The following PWWP3B variants were observed in gnomAD, a reference collection of about 807,000 sequenced individuals.
The protein encoded by PWWP3B is PWWP domain containing 3B.
In PWWP3B, 5 loss-of-function variants were observed where a neutral mutation model predicts 15.7. The observed-to-expected ratio is 0.32, with a 90% confidence interval of 0.17 to 0.67. PWWP3B has a LOEUF of 0.67. PWWP3B is among the 30% of genes least tolerant of loss of function. The probability of loss-of-function intolerance (pLI) is 0.74; values close to 1 mark genes in which losing one functional copy is unlikely to be tolerated. For missense variants in PWWP3B, 519 were observed against 493.1 expected (o/e 1.05, Z -0.50); for synonymous variants, 203 against 179.8 (o/e 1.13, Z -1.03).
intron 2 of PWWP3B, among the ~76,000 whole-genome samples, chrX:106,197,953 G>A (rs1317649715): frequency 1.8e-5 from 2 of 111,640 alleles, no homozygotes; most frequent in Non-Finnish European, 3.8e-5. Flanking sequence ...ATATACGTAT[G>A]GGTCTTATTT....
intron 2 of PWWP3B, among the ~76,000 whole-genome samples, chrX:106,178,071 T>C (rs1391647230): frequency 3.6e-5 from 4 of 111,905 alleles, no homozygotes; most frequent in Non-Finnish European, 7.5e-5. Context: ...CACGCTCCCA[T>C]ACTCCCTTGT....
intron 2 of PWWP3B, among the ~76,000 whole-genome samples, chrX:106,192,635 G>A (rs1602853700): frequency 1.9e-5 from 2 of 107,279 alleles, no homozygotes; most frequent in African/African-American, 7.4e-5. Context: ...TGTGATGTTA[G>A]GTTGTCAATT....
chrX:106,179,502 G>A (rs1378675694), intron 2 of PWWP3B, among the ~76,000 whole-genome samples: 1 of 112,080 alleles, frequency 8.9e-6, no homozygotes, highest in African/African-American at 3.2e-5. Flanking sequence ...TTTAGGCAGG[G>A]AAATTTATTT....
In PWWP3B at chrX:106,188,244, G is replaced by GCC. The variant is rs746230959; in HGVS notation, c.-400-15734_-400-15733dup. Among the ~76,000 whole-genome samples the GCC allele has an allele frequency of 9.2e-3, 1,017 of 110,352 alleles. 14 individuals carry two copies. The highest frequency in any genetic ancestry group is 0.031 in the African/African-American group (935 of 30,303). On this transcript the variant is annotated intron_variant, in intron 2 of 3. Transcript: ENST00000357175. ...GCATCAAAAGTCACGTGTTGTAGGT[G>GCC]CCCCCCCCATGTTTTAAAGCAATTC...
At chrX:106,179,495 A>C (rs143897846) in intron 2 of PWWP3B, among the ~76,000 whole-genome samples, 247 of 112,301 alleles carry the variant, frequency 2.2e-3, no homozygotes, top group African/African-American at 7.5e-3. Context: ...GTTAAAGTTT[A>C]GGCAGGGAAA....
At chrX:106,185,536 G>A (rs1172283504) in intron 2 of PWWP3B, among the ~76,000 whole-genome samples, 1 of 111,524 alleles carries the variant, frequency 9.0e-6, no homozygotes, top group Admixed American at 9.5e-5. Context: ...ACCACAAGGA[G>A]GACCAAGGAA....
At chrX:106,189,761 G>A (rs1216676385) in intron 2 of PWWP3B, among the ~76,000 whole-genome samples, 1 of 109,282 alleles carries the variant, frequency 9.2e-6, no homozygotes, top group Non-Finnish European at 1.9e-5. Flanking sequence ...GGGACTACAG[G>A]CGCCTGCTAC....
intron 2 of PWWP3B, among the ~76,000 whole-genome samples, chrX:106,175,725 C>T (rs1035048438): frequency 3.6e-5 from 4 of 111,288 alleles, no homozygotes; most frequent in Non-Finnish European, 7.5e-5. Context: ...AGCTTTGTGA[C>T]CGTGGCATTA....
chrX:106,191,230 G>T (rs1488568010), intron 2 of PWWP3B, among the ~76,000 whole-genome samples: 2 of 111,010 alleles, frequency 1.8e-5, no homozygotes, highest in Admixed American at 9.6e-5. Flanking sequence ...TTGAGCAGTG[G>T]TTTGTAGTTC....
chrX:106,174,047 C>T (rs890296516), intron 2 of PWWP3B, among the ~76,000 whole-genome samples: 1 of 112,094 alleles, frequency 8.9e-6, no homozygotes, highest in African/African-American at 3.2e-5. Flanking sequence ...CATATCTCAC[C>T]AAAGAACTCT....
chrX:106,174,963 A>G (rs1921803378), intron 2 of PWWP3B, among the ~76,000 whole-genome samples: 6 of 106,797 alleles, frequency 5.6e-5, no homozygotes, highest in Admixed American at 5.0e-4. Context: ...CAGGAGACTC[A>G]CTTGAACCCA....
chrX:106,178,858 A>G (rs1922038085), intron 2 of PWWP3B, among the ~76,000 whole-genome samples: 1 of 112,292 alleles, frequency 8.9e-6, no homozygotes, highest in Non-Finnish European at 1.9e-5. Context: ...AATTTTCAGT[A>G]ACCATGCAAT....
In PWWP3B at chrX:106,207,500, G is replaced by A; in HGVS notation, c.2068G>A (p.Ala690Thr). ...AATAATATATGAAAAGAGACGAAAAGCACCAACAAATGAAGCTCACTAAAT... is the reference window on the plus strand; with the variant it reads ...AATAATATATGAAAAGAGACGAAAAACACCAACAAATGAAGCTCACTAAAT... ...AKIIYEKRRK[A>T]PTNEAH Residue 690 changes from alanine to threonine, a missense_variant, in exon 4 of 4, where the codon GCA becomes ACA. Physicochemically the swap from Ala to Thr is moderately conservative, Grantham distance 58 (BLOSUM62 0). Coordinates refer to ENST00000357175, the MANE Select transcript of PWWP3B (RefSeq NM_001171020.2). 2 of 1,144,508 alleles carry A rather than the reference G, an allele frequency of 1.7e-6. No individual in the cohort carries two copies. Among genetic ancestry groups the A allele is most frequent in the Non-Finnish European group, 2.3e-6 (2 of 863,910 alleles). The allele number at this position is 1,144,508 out of a possible 1,213,427, so 94.3% of individuals were successfully genotyped here. A position where few individuals can be genotyped will look rare whatever the true frequency, so the allele number is the denominator to read the frequency against.
intron 2 of PWWP3B, among the ~76,000 whole-genome samples, chrX:106,179,970 C>A (rs1013525384): frequency 9.0e-6 from 1 of 111,145 alleles, no homozygotes; most frequent in Non-Finnish European, 1.9e-5. Context: ...CTCACGAAAC[C>A]CTTAAAAACA....
Position 106,206,628 on chromosome X carries a change from A to C in PWWP3B, c.1196A>C (p.Lys399Thr), listed in dbSNP as rs754352671. ...GAAACAGGAATGATAGTCTGGTTTAAATATCAGAAATATCCATTTTGGCCA... is the reference window on the plus strand; with the variant it reads ...GAAACAGGAATGATAGTCTGGTTTACATATCAGAAATATCCATTTTGGCCA... ...PFETGMIVWF[K>T]YQKYPFWPAV... Residue 399 changes from lysine to threonine, a missense_variant, in exon 4 of 4, where the codon AAA (lysine) becomes ACA (threonine). Coordinates refer to ENST00000357175, the MANE Select transcript of PWWP3B (RefSeq NM_001171020.2). 2 of 1,209,470 alleles carry C rather than the reference A, an allele frequency of 1.7e-6. No homozygotes were observed. The highest frequency in any genetic ancestry group is 3.5e-5 in the South Asian group (2 of 56,528).
intron 2 of PWWP3B, among the ~76,000 whole-genome samples, chrX:106,183,972 G>T (rs1369006630): frequency 8.9e-6 from 1 of 111,913 alleles, no homozygotes. Context: ...CTTGTTTCTT[G>T]TTGGACAATC....
chrX:106,207,521 TA>T lies in PWWP3B; in HGVS notation c.*1del. On this transcript the variant is annotated frameshift_variant and stop_lost, in exon 4 of 4. Transcript: ENST00000357175. LOFTEE classifies it high-confidence loss of function. ...AAAAGCACCAACAAATGAAGCTCAC[TA>T]AATGTGCTGAAAGTTGAAACCATGA... ...RRKAPTNEAH* is the reference protein window; with the variant it reads ...RRKAPTNEAHX The T allele has an allele frequency of 8.8e-7, 1 of 1,133,043 alleles. No homozygotes were observed. The highest frequency in any genetic ancestry group is 2.1e-5 in the South Asian group (1 of 46,707). The allele number at this position is 1,133,043 out of a possible 1,213,427, so 93.4% of individuals were successfully genotyped here. A position where few individuals can be genotyped will look rare whatever the true frequency, so the allele number is the denominator to read the frequency against.
At chrX:106,169,516 A>T (rs958735394) in intron 1 of PWWP3B, among the ~76,000 whole-genome samples, 9 of 111,448 alleles carry the variant, frequency 8.1e-5, no homozygotes, top group African/African-American at 2.9e-4. Flanking sequence ...ATAGCCACAC[A>T]CACATTCCAT....
chrX:106,169,356 G>C (rs1921494361), intron 1 of PWWP3B, among the ~76,000 whole-genome samples: 1 of 112,064 alleles, frequency 8.9e-6, no homozygotes, highest in Non-Finnish European at 1.9e-5. Flanking sequence ...AAAAGGATTA[G>C]ACATCAAATG....
Sources: allele counts gnomAD v4.1 joint callset (sites outside exome capture counted in the v4.1 genomes callset), GRCh38; gene constraint gnomAD v4.1.1; transcripts MANE v1.5; gene names NCBI Gene and HGNC (gene_info 2026-07-23, HGNC 2026-07-21).